Variants in SGCD observed in about 807,000 individuals in gnomAD.
The protein encoded by SGCD is delta-sarcoglycan.
Under a neutral mutation model 36.6 loss-of-function variants are expected in SGCD, and 18 were observed. The observed-to-expected ratio is 0.49, with a 90% CI of 0.34 to 0.73. The LOEUF is 0.73. SGCD is among the 30% of genes least tolerant of loss of function. The pLI is 0.01. For synonymous variants in SGCD, 133 were observed against 130.6 expected (o/e 1.02, Z -0.12); for missense variants, 387 against 346.7 (o/e 1.12, Z -0.92).
intron 4 of SGCD, among the ~76,000 whole-genome samples, chr5:156,587,806 T>A (rs1760555025): frequency 6.6e-6 from 1 of 152,104 alleles, no homozygotes; most frequent in African/African-American, 2.4e-5. Flanking sequence ...AAACTGAGAA[T>A]AATCTCACCC....
chr5:156,379,674 G>A (rs1770875422), intron 3 of SGCD, among the ~76,000 whole-genome samples: 1 of 152,186 alleles, frequency 6.6e-6, no homozygotes, highest in Admixed American at 6.5e-5. Flanking sequence ...GGAGAGGGGA[G>A]AAGGAAGGGG....
At chr5:156,669,119 G>A (rs1028676440) in intron 7 of SGCD, among the ~76,000 whole-genome samples, 11 of 152,158 alleles carry the variant, frequency 7.2e-5, no homozygotes, top group Middle Eastern at 3.4e-3. Context: ...CCTGCAATAC[G>A]GCCGAAAGTT....
intron 1 of SGCD, among the ~76,000 whole-genome samples, chr5:155,872,043 G>A (rs368309461): frequency 6.9e-4 from 105 of 152,308 alleles, no homozygotes; most frequent in African/African-American, 2.4e-3. Context: ...TTTGATTGAA[G>A]CAACAGGACT....
At chr5:155,802,202 G>A in the SGCD span, among the ~76,000 whole-genome samples, 2 of 152,184 alleles carry the variant, frequency 1.3e-5, no homozygotes, top group African/African-American at 4.8e-5. Flanking sequence ...GTTTGAAGCA[G>A]CCAGCCATCT....
chr5:155,882,558 G>A (rs1415419145), intron 1 of SGCD, among the ~76,000 whole-genome samples: 1 of 152,230 alleles, frequency 6.6e-6, no homozygotes, highest in Admixed American at 6.5e-5. Context: ...AATGGTGGCT[G>A]TGTCAGCAGG....
chr5:155,919,838 ATG>A (rs1756832593), intron 1 of SGCD, among the ~76,000 whole-genome samples: 1 of 152,146 alleles, frequency 6.6e-6, no homozygotes, highest in South Asian at 2.1e-4. Context: ...TGCTTACTGT[ATG>A]CCAGTCTTAG....
chr5:156,191,511 G>T (rs977261558), intron 3 of SGCD, among the ~76,000 whole-genome samples: 1 of 152,116 alleles, frequency 6.6e-6, no homozygotes, highest in Non-Finnish European at 1.5e-5. Context: ...CAGGTTTGTA[G>T]GATGTTAATT....
chr5:156,514,719 C>A (rs1757084603), intron 4 of SGCD, among the ~76,000 whole-genome samples: 1 of 152,204 alleles, frequency 6.6e-6, no homozygotes, highest in Non-Finnish European at 1.5e-5. Context: ...TGAGCATGTG[C>A]TGCCTTGTTG....
chr5:156,468,663 T>C (rs1290633740), intron 3 of SGCD, among the ~76,000 whole-genome samples: 2 of 152,066 alleles, frequency 1.3e-5, no homozygotes, highest in East Asian at 3.9e-4. Context: ...TGCATACAAA[T>C]AGAACATACC....
chr5:155,823,062 A>ATATCTATCTATC, the SGCD span, among the ~76,000 whole-genome samples: 5,839 of 145,230 alleles, frequency 0.04, 180 homozygotes, highest in Admixed American at 0.082. Context: ...CTATATCTCT[A>ATATCTATCTATC]TATCTATCTA....
intron 6 of SGCD, among the ~76,000 whole-genome samples, chr5:156,597,469 CT>C (rs751363270): frequency 9.9e-5 from 15 of 152,168 alleles, no homozygotes; most frequent in Non-Finnish European, 1.5e-4. Flanking sequence ...GAAAACTGCC[CT>C]TTATGCAACC....
intron 3 of SGCD, among the ~76,000 whole-genome samples, chr5:156,135,824 C>A (rs17053243): frequency 0.031 from 4,754 of 152,094 alleles, 263 homozygotes; most frequent in African/African-American, 0.11. Context: ...TACACTTACT[C>A]CTTTAAGAGA....
At chr5:156,151,853 G>T (rs1233869578) in intron 3 of SGCD, among the ~76,000 whole-genome samples, 1 of 150,430 alleles carries the variant, frequency 6.6e-6, no homozygotes, top group African/African-American at 2.5e-5. Flanking sequence ...GGTCTGGAAA[G>T]ATTCCCCTTT....
At chr5:155,787,779 TA>T in the SGCD span, among the ~76,000 whole-genome samples, 1 of 152,170 alleles carries the variant, frequency 6.6e-6, no homozygotes, top group Non-Finnish European at 1.5e-5. Flanking sequence ...CACTTCCTTT[TA>T]AAAATAAAGA....
At chr5:155,985,188 T>C (rs1372172924) in intron 1 of SGCD, among the ~76,000 whole-genome samples, 1 of 152,210 alleles carries the variant, frequency 6.6e-6, no homozygotes, top group African/African-American at 2.4e-5. Context: ...AGTCTGGGCA[T>C]AGGATGGTTC....
intron 3 of SGCD, among the ~76,000 whole-genome samples, chr5:156,347,010 G>T (rs1234129586): frequency 6.6e-6 from 1 of 151,964 alleles, no homozygotes; most frequent in Non-Finnish European, 1.5e-5. Context: ...TGTTAGCAAG[G>T]ATGGTCTCGA....
chr5:156,466,324 T>G (rs1207981491), intron 3 of SGCD, among the ~76,000 whole-genome samples: 1 of 152,206 alleles, frequency 6.6e-6, no homozygotes, highest in Non-Finnish European at 1.5e-5. Flanking sequence ...AAATAAATTT[T>G]TTTAACTCTT....
At chr5:156,248,723 G>A (rs1256576634) in intron 3 of SGCD, among the ~76,000 whole-genome samples, 1 of 152,210 alleles carries the variant, frequency 6.6e-6, no homozygotes, top group Non-Finnish European at 1.5e-5. Flanking sequence ...TGTGGAAGCT[G>A]AATTCGGACA....
intron 3 of SGCD, among the ~76,000 whole-genome samples, chr5:156,440,898 G>A (rs946387142): frequency 6.6e-6 from 1 of 151,920 alleles, no homozygotes; most frequent in Non-Finnish European, 1.5e-5. Flanking sequence ...CTTCCATTCT[G>A]TGAGTCATCT....
Sources: allele counts gnomAD v4.1 joint callset (sites outside exome capture counted in the v4.1 genomes callset), GRCh38; gene constraint gnomAD v4.1.1; transcripts MANE v1.5; gene names NCBI Gene and HGNC (gene_info 2026-07-23, HGNC 2026-07-21).